Variants in ANKRD13B observed in about 807,000 individuals in gnomAD.
ANKRD13B encodes ankyrin repeat domain-containing protein 13B.
A neutral mutation model predicts 74.4 loss-of-function variants in ANKRD13B; 33 were observed. That is an observed-to-expected ratio of 0.44 (90% CI 0.34 to 0.59). The LOEUF is 0.59. Ranked by LOEUF, ANKRD13B falls within the 20% of genes least tolerant of loss-of-function variation. The pLI is 0.02. For missense variants in ANKRD13B, 676 were observed against 877.9 expected (o/e 0.77, Z 2.91); for synonymous variants, 341 against 362.9 (o/e 0.94, Z 0.68).
intron 1 of ANKRD13B, among the ~76,000 whole-genome samples, chr17:29,602,886 C>T (rs2034232791): frequency 6.6e-6 from 1 of 152,242 alleles, no homozygotes; most frequent in African/African-American, 2.4e-5. Context: ...GAGTCTCCCT[C>T]TGTCGCCCAA....
At chr17:29,602,064 T>C (rs1194938129) in intron 1 of ANKRD13B, among the ~76,000 whole-genome samples, 1 of 152,224 alleles carries the variant, frequency 6.6e-6, no homozygotes, top group African/African-American at 2.4e-5. Context: ...TTGGTATTAG[T>C]TTCCACAACA....
In ANKRD13B at chr17:29,609,758, G is replaced by A. The variant is rs1057357892; in HGVS notation, c.822+337G>A. Reference sequence around the variant, plus strand: ...TCTTCACAACAACCCCAGGAAGTAGGGATGATCGGTCCATTTTATGATGAG... The same window carrying A: ...TCTTCACAACAACCCCAGGAAGTAGAGATGATCGGTCCATTTTATGATGAG... On this transcript the variant is annotated intron_variant, in intron 7 of 14. Transcript: ENST00000394859. This position sits in a 1 kb window ranked among gnomAD's most constrained non-coding sequence, Gnocchi z 4.0. Among the ~76,000 whole-genome samples the A allele has an allele frequency of 1.3e-5, 2 of 152,178 alleles. No individual in the cohort carries two copies. Among genetic ancestry groups the A allele is most frequent in the African/African-American group, 4.8e-5 (2 of 41,422 alleles).
At chr17:29,598,889 C>T (rs934845437) in intron 1 of ANKRD13B, among the ~76,000 whole-genome samples, 3 of 152,180 alleles carry the variant, frequency 2.0e-5, no homozygotes, top group Non-Finnish European at 4.4e-5. Context: ...AATTACCTTC[C>T]CCTCCTTGTG....
At chr17:29,606,727 G>GT (rs2034392074) in intron 1 of ANKRD13B, among the ~76,000 whole-genome samples, 2 of 38,848 alleles carry the variant, frequency 5.1e-5, no homozygotes, top group African/African-American at 1.2e-4. Flanking sequence ...CCTGTCTCAA[G>GT]TAAAAAAAAA....
At chr17:29,596,914 A>G (rs1375666567) in intron 1 of ANKRD13B, among the ~76,000 whole-genome samples, 2 of 152,170 alleles carry the variant, frequency 1.3e-5, no homozygotes, top group African/African-American at 4.8e-5. Flanking sequence ...GGGAGGGGTG[A>G]CATGGAGGGA....
intron 1 of ANKRD13B, among the ~76,000 whole-genome samples, chr17:29,602,589 T>A (rs1180370913): frequency 6.6e-6 from 1 of 152,166 alleles, no homozygotes; most frequent in Non-Finnish European, 1.5e-5. Flanking sequence ...CGTCTTCACA[T>A]GGCCTTCCCA....
In ANKRD13B at chr17:29,613,364, C is replaced by T. The variant is rs1204627912; in HGVS notation, c.1663C>T (p.Pro555Ser). 10 of 1,465,474 alleles carry T rather than the reference C, an allele frequency of 6.8e-6. No individual in the cohort carries two copies. The highest frequency in any genetic ancestry group is 8.1e-6 in the Non-Finnish European group (9 of 1,116,548). The allele number at this position is 1,465,474 out of a possible 1,614,324, so 90.8% of individuals were successfully genotyped here. The change falls in exon 15 of 15, where the codon CCC (proline) becomes TCC (serine). Residue 555 changes from proline to serine, a missense_variant. Physicochemically the swap from Pro to Ser is moderately conservative, Grantham distance 74 (BLOSUM62 -1). Coordinates refer to ENST00000394859, the MANE Select transcript of ANKRD13B (RefSeq NM_152345.5). ...EGRRQDRSAP[P>S]TPQRQPAPPA... ...CTTCCCCACCCCCAGGAGCGCCCCGCCCACGCCGCAGCGCCAGCCTGCGCC... is the reference window on the plus strand; with the variant it reads ...CTTCCCCACCCCCAGGAGCGCCCCGTCCACGCCGCAGCGCCAGCCTGCGCC...
chr17:29,611,048 T>C lies in ANKRD13B; in HGVS notation c.904+282T>C, dbSNP rs1410800803. ...TGGGAGAGGAGAGAAATGCCATGTA[T>C]GCCATTTATTGGCCATTCTAGTCTA... On this transcript the variant is annotated intron_variant, in intron 8 of 14. Transcript: ENST00000394859. The surrounding 1 kb of genome is among the most constrained non-coding windows in gnomAD (Gnocchi z 4.3). Among the ~76,000 whole-genome samples the C allele has an allele frequency of 6.6e-6, 1 of 152,230 alleles. No homozygotes were observed. The highest frequency in any genetic ancestry group is 1.5e-5 in the Non-Finnish European group (1 of 68,034).
rs567671071 is a variant in ANKRD13B, at chr17:29,598,613, A to G, written c.114+4878A>G. ...ACCCAGGCTGGAGTGCAGTAGTGTG[A>G]TCACAGCTCAGTGCAGCCTCTGCCT... On this transcript the variant is annotated intron_variant, in intron 1 of 14. Transcript: ENST00000394859. 7.3e-4 allele frequency among the ~76,000 whole-genome samples: 110 copies of G among 150,174 alleles called. 1 individual carries two copies. The highest frequency in any genetic ancestry group is 6.9e-3 in the South Asian group (33 of 4,764).
intron 1 of ANKRD13B, among the ~76,000 whole-genome samples, chr17:29,607,005 A>G (rs1423966758): frequency 6.6e-6 from 1 of 152,040 alleles, no homozygotes; most frequent in Non-Finnish European, 1.5e-5. Flanking sequence ...AGCTGATATC[A>G]CGTCATTGTA....
At chr17:29,610,010 G>A (rs1372716112) in intron 7 of ANKRD13B, among the ~76,000 whole-genome samples, 1 of 152,060 alleles carries the variant, frequency 6.6e-6, no homozygotes, top group South Asian at 2.1e-4. Flanking sequence ...GGCTAACATG[G>A]TGAAACCCCG....
At chr17:29,606,069 C>A (rs1295285467) in intron 1 of ANKRD13B, among the ~76,000 whole-genome samples, 10 of 151,784 alleles carry the variant, frequency 6.6e-5, no homozygotes, top group Non-Finnish European at 1.3e-4. Context: ...TGGGCCACCA[C>A]GCCTGGCTAA....
At chr17:29,596,289 G>T (rs1360685113) in intron 1 of ANKRD13B, among the ~76,000 whole-genome samples, 1 of 152,390 alleles carries the variant, frequency 6.6e-6, no homozygotes, top group South Asian at 2.1e-4. Flanking sequence ...AGCAGGGAGT[G>T]ATGGGCAGAT....
Position 29,593,237 on chromosome 17 carries a change from G to T in ANKRD13B, c.-385G>T, listed in dbSNP as rs1161578458. On this transcript the variant is annotated 5_prime_UTR_variant, in exon 1 of 15. Transcript: ENST00000394859. Reference sequence around the variant, plus strand: ...CCGGGGGCTGCGGGCGCGCGTCCCTGCGGCGGCGTCCCCGGGGCCCGCGTC... The same window carrying T: ...CCGGGGGCTGCGGGCGCGCGTCCCTTCGGCGGCGTCCCCGGGGCCCGCGTC... Among the ~76,000 whole-genome samples, 2 of 149,528 alleles carry T rather than the reference G, an allele frequency of 1.3e-5. No individual in the cohort carries two copies. Among genetic ancestry groups the T allele is most frequent in the African/African-American group, 4.9e-5 (2 of 41,088 alleles).
Position 29,609,343 on chromosome 17 carries a change from C to T in ANKRD13B, c.756-12C>T, listed in dbSNP as rs747799243. Reference sequence around the variant, plus strand: ...GGGTGCCTGCCTCACCTGGACCACTCTGCTTCCCCAGGAACAAGACTGGCA... The same window carrying T: ...GGGTGCCTGCCTCACCTGGACCACTTTGCTTCCCCAGGAACAAGACTGGCA... On this transcript the variant is annotated splice_polypyrimidine_tract_variant and intron_variant, in intron 6 of 14. Coordinates refer to ENST00000394859, the MANE Select transcript of ANKRD13B (RefSeq NM_152345.5). This position sits in a 1 kb window ranked among gnomAD's most constrained non-coding sequence, Gnocchi z 4.0. The T allele has an allele frequency of 6.2e-7, 1 of 1,613,562 alleles. No individual in the cohort carries two copies. The highest frequency in any genetic ancestry group is 2.2e-5 in the East Asian group (1 of 44,876).
intron 1 of ANKRD13B, among the ~76,000 whole-genome samples, chr17:29,600,431 G>A (rs1284666897): frequency 6.6e-6 from 1 of 152,216 alleles, no homozygotes; most frequent in African/African-American, 2.4e-5. Flanking sequence ...CTGGCTGCCA[G>A]TGGTTCAGGA....
Position 29,612,035 on chromosome 17 carries a change from GGGGGGCC to G in ANKRD13B, c.1100+34_1100+40del. The stretch of plus-strand genomic sequence containing the variant: ...AGGCCCCTGCCGGTGCTGGGAAGGT[GGGGGGCC>G]GGGGCTCCAGGAGATGCTGGGAGGC... On this transcript the variant is annotated intron_variant, in intron 10 of 14. Transcript: ENST00000394859. The surrounding 1 kb of genome is among the most constrained non-coding windows in gnomAD (Gnocchi z 6.1). 2 of 1,608,214 alleles carry G rather than the reference GGGGGGCC, an allele frequency of 1.2e-6. No homozygotes were observed. The highest frequency in any genetic ancestry group is 2.7e-5 in the African/African-American group (2 of 74,822).
At position 29,612,743 on chromosome 17, in the gene ANKRD13B, G is replaced by GGAC. The variant is rs760491217; in HGVS notation, c.1516_1518dup (p.Asp506dup). 1.5e-5 allele frequency: 24 copies of GGAC among 1,601,766 alleles called. No individual in the cohort carries two copies. The highest frequency in any genetic ancestry group is 1.3e-4 in the East Asian group (6 of 44,818). On this transcript the variant is annotated inframe_insertion, in exon 13 of 15. Coordinates refer to ENST00000394859, the MANE Select transcript of ANKRD13B (RefSeq NM_152345.5). This position sits in a 1 kb window ranked among gnomAD's most constrained non-coding sequence, Gnocchi z 6.1. ...GCGGCCAGCGGGAGGCGGCGACCCG[G>GGAC]GACGACGACGACGACCTGCTGCAAT...
chr17:29,600,824 A>T (rs943590169), intron 1 of ANKRD13B, among the ~76,000 whole-genome samples: 17 of 151,912 alleles, frequency 1.1e-4, no homozygotes, highest in African/African-American at 4.1e-4. Flanking sequence ...GTCAGTTGTG[A>T]GGCCCCAGCC....
Sources: allele counts gnomAD v4.1 joint callset (sites outside exome capture counted in the v4.1 genomes callset), GRCh38; gene constraint gnomAD v4.1.1; non-coding constraint Gnocchi (gnomAD v3.1); transcripts MANE v1.5; gene names NCBI Gene and HGNC (gene_info 2026-07-23, HGNC 2026-07-21).